The following TYRP1 variants were observed in gnomAD, a reference collection of about 807,000 sequenced individuals.
TYRP1 encodes tyrosinase related protein 1, also known as 5,6-dihydroxyindole-2-carboxylic acid oxidase.
In TYRP1, 49 loss-of-function variants were observed where a neutral mutation model predicts 42.8. That is an observed-to-expected ratio of 1.14 (90% CI 0.91 to 1.45). The LOEUF is 1.45. Among genes scored for constraint, TYRP1 ranks in the 40% most tolerant of loss-of-function variants. TYRP1 has a pLI of 0.00. For synonymous variants in TYRP1, 279 were observed against 235.4 expected (o/e 1.19, Z -1.69); for missense variants, 848 against 662.0 (o/e 1.28, Z -3.08).
intron 3 of TYRP1, among the ~76,000 whole-genome samples, chr9:12,697,344 C>T (rs1036554406): frequency 1.3e-5 from 2 of 152,242 alleles, no homozygotes; most frequent in African/African-American, 2.4e-5. Flanking sequence ...TGAATATGCT[C>T]TGGCTCCCAA....
At position 12,695,213 on chromosome 9, in the gene TYRP1, A is replaced by T. The variant is rs540018279; in HGVS notation, c.386-302A>T. ...AAAAAGACAGAAAATTCCAACAAAA[A>T]TGCCAACAGTGGGCAGAAATCAACA... is the stretch of plus-strand genomic sequence containing the variant. On this transcript the variant is annotated intron_variant, in intron 2 of 7. Transcript: ENST00000388918. 9.2e-5 allele frequency among the ~76,000 whole-genome samples: 14 copies of T among 152,306 alleles called. No homozygotes were observed. In the South Asian group the frequency reaches 1.0e-3, roughly 11 times the overall value.
chr9:12,704,257 A>ATT (rs1818222565), intron 5 of TYRP1, among the ~76,000 whole-genome samples: 1 of 151,922 alleles, frequency 6.6e-6, no homozygotes, highest in African/African-American at 2.4e-5. Flanking sequence ...GTGTCTATAT[A>ATT]TTTTGACTGG....
In TYRP1 at chr9:12,694,148, C is replaced by G; in HGVS notation, c.152C>G (p.Pro51Arg). 2 of 1,614,062 alleles carry G rather than the reference C, an allele frequency of 1.2e-6. No individual in the cohort carries two copies. Among genetic ancestry groups the G allele is most frequent in the Non-Finnish European group, 1.7e-6 (2 of 1,180,022 alleles). Residue 51 changes from proline to arginine, a missense_variant, in exon 2 of 8, where the codon CCT becomes CGT. Pro to Arg is a moderately radical substitution (Grantham distance 103). Coordinates refer to ENST00000388918, the MANE Select transcript of TYRP1 (RefSeq NM_000550.3). Reference protein sequence around the residue: ...CCPDLSPVSGPGTDRCGSSSG... With the variant: ...CCPDLSPVSGRGTDRCGSSSG... ...CCAGACCTGTCCCCTGTGTCTGGGC[C>G]TGGGACAGACCGCTGTGGCTCATCA...
intron 3 of TYRP1, 52 bp from the exon 4 acceptor site, chr9:12,698,399 T>C: frequency 1.3e-6 from 2 of 1,537,064 alleles, no homozygotes; most frequent in South Asian, 2.2e-5. Flanking sequence ...CAAACAGAAA[T>C]GAATAATTGT....
chr9:12,699,413 T>C (rs947435084), intron 4 of TYRP1, among the ~76,000 whole-genome samples: 4 of 152,068 alleles, frequency 2.6e-5, no homozygotes, highest in Admixed American at 2.6e-4. Context: ...CTTATTTTTC[T>C]TCTTCAGGCA....
chr9:12,701,321 C>A (rs1818164321), intron 4 of TYRP1, among the ~76,000 whole-genome samples: 1 of 151,942 alleles, frequency 6.6e-6, no homozygotes, highest in African/African-American at 2.4e-5. Context: ...CAGGCCCTCC[C>A]CCTTTTTTTG....
In TYRP1 at chr9:12,709,206, TTAG is replaced by T. The variant is rs1243809846; in HGVS notation, c.*27_*29del. On this transcript the variant is annotated 3_prime_UTR_variant, in exon 8 of 8. Transcript: ENST00000388918. ...AACAAATGCCCTACTCTCTTATGCA[TTAG>T]TATCACAAAACCACCTGGTTGAATA... The T allele has an allele frequency of 6.2e-7, 1 of 1,605,628 alleles. No individual in the cohort carries two copies. Among genetic ancestry groups the T allele is most frequent in the Non-Finnish European group, 8.5e-7 (1 of 1,173,110 alleles).
intron 5 of TYRP1, among the ~76,000 whole-genome samples, chr9:12,703,508 T>C (rs1818207498): frequency 6.6e-6 from 1 of 151,922 alleles, no homozygotes; most frequent in Non-Finnish European, 1.5e-5. Flanking sequence ...GTCTTCTTAA[T>C]GCCCAATCAG....
rs117431174 is a variant in TYRP1 at position 12,705,253 on chromosome 9, G to T, written c.1261+548G>T. ...GCATTCTTTAAAATACTATTTAAAAGGCCTCTTTCTCTGCCTTCCTATGCA... is the reference window on the plus strand; with the variant it reads ...GCATTCTTTAAAATACTATTTAAAATGCCTCTTTCTCTGCCTTCCTATGCA... On this transcript the variant is annotated intron_variant, in intron 6 of 7. Transcript: ENST00000388918. Among the ~76,000 whole-genome samples, 1,115 of 152,056 alleles carry T rather than the reference G, an allele frequency of 7.3e-3. 9 individuals are homozygous for T. The highest frequency in any genetic ancestry group is 0.031 in the Middle Eastern group (9 of 292).
chr9:12,696,106 C>T (rs1818075807), intron 3 of TYRP1, among the ~76,000 whole-genome samples: 1 of 152,156 alleles, frequency 6.6e-6, no homozygotes. Context: ...AAATATTTTG[C>T]AGTTTCATTG....
chr9:12,707,892 AT>A, intron 6 of TYRP1, 104 bp from the exon 7 acceptor site: 2 of 1,140,912 alleles, frequency 1.8e-6, no homozygotes, highest in East Asian at 5.2e-5. Context: ...TAAGAATAAA[AT>A]TTTTTCAGGT....
In TYRP1 at chr9:12,708,056, GT is replaced by G; in HGVS notation, c.1322del (p.Val441GlyfsTer38). The G allele has an allele frequency of 6.2e-7, 1 of 1,612,534 alleles. No homozygotes were observed. The highest frequency in any genetic ancestry group is 8.5e-7 in the Non-Finnish European group (1 of 1,179,208). On this transcript the variant is annotated frameshift_variant, in exon 7 of 8. Transcript: ENST00000388918. LOFTEE classifies it high-confidence loss of function. Reference sequence around the variant, plus strand: ...TGGACATAATAGACAATACAACATGGTGCCATTCTGGCCCCCAGTCACCAAC... The same window carrying G: ...TGGACATAATAGACAATACAACATGGGCCATTCTGGCCCCCAGTCACCAAC... ...PIGHNRQYNM[V>X]PFWPPVTNTE... is the part of the protein sequence containing the mutation.
Position 12,705,675 on chromosome 9 carries a change from C to T in TYRP1, c.1261+970C>T, listed in dbSNP as rs919735829. On this transcript the variant is annotated intron_variant, in intron 6 of 7. Transcript: ENST00000388918. The stretch of plus-strand genomic sequence containing the variant: ...CAGCCTGGTCAACATGGTGAAACCC[C>T]GTCTCTACTAAAAATACAAAAATTA... Among the ~76,000 whole-genome samples the T allele has an allele frequency of 3.2e-4, 49 of 151,894 alleles. 2 individuals carry two copies. Among genetic ancestry groups the T allele is most frequent in the African/African-American group, 1.2e-4 (5 of 41,358 alleles).
rs939397722 is a variant in TYRP1, at chr9:12,709,023, C to A, written c.1455C>A (p.Gly485=). 1.9e-6 allele frequency: 3 copies of A among 1,612,482 alleles called. No homozygotes were observed. The African/African-American group carries it at 4.0e-5, about 22-fold the overall frequency. ...VPEIIAIAVV[G]ALLLVALIFG... ...AGATAATTGCCATAGCAGTAGTTGG[C>A]GCTTTGTTACTGGTTGCACTCATTT... The change falls in exon 8 of 8, where the codon GGC becomes GGA. Residue 485 remains glycine (G), a synonymous_variant. Coordinates refer to ENST00000388918, the MANE Select transcript of TYRP1 (RefSeq NM_000550.3).
Position 12,695,570 on chromosome 9 carries a change from C to T in TYRP1, c.441C>T (p.Ala147=), listed in dbSNP as rs1463789182. 7 of 1,614,068 alleles carry T rather than the reference C, an allele frequency of 4.3e-6. No homozygotes were observed. Among genetic ancestry groups the T allele is most frequent in the South Asian group, 1.1e-5 (1 of 91,076 alleles). ...AAGAAAAGAACCACTTTGTCCGGGC[C>T]CTGGATATGGCAAAGCGCACAACTC... The part of the protein sequence containing the change: ...SKEEKNHFVR[A]LDMAKRTTHP... Residue 147 remains alanine (A), a synonymous_variant, in exon 3 of 8, where the codon GCC becomes GCT. Coordinates refer to ENST00000388918, the MANE Select transcript of TYRP1 (RefSeq NM_000550.3).
At chr9:12,708,543 A>G (rs1406267921) in intron 7 of TYRP1, among the ~76,000 whole-genome samples, 1 of 151,972 alleles carries the variant, frequency 6.6e-6, no homozygotes, top group Non-Finnish European at 1.5e-5. Flanking sequence ...GCATTTATCT[A>G]TCTTAAAGGA....
intron 3 of TYRP1, among the ~76,000 whole-genome samples, chr9:12,697,616 A>T (rs942189803): frequency 1.3e-5 from 2 of 152,162 alleles, no homozygotes; most frequent in African/African-American, 4.8e-5. Flanking sequence ...CTACATTTAA[A>T]TCCCATACCA....
Position 12,708,969 on chromosome 9 carries a change from C to T in TYRP1, c.1409-8C>T. On this transcript the variant is annotated splice_region_variant and splice_polypyrimidine_tract_variant and intron_variant, in intron 7 of 7. Transcript: ENST00000388918. ...TGTCTTTTTATTTTTATCTTCCTTT[C>T]CAAATAGGTCGGGAGTTTAGTGTAC... 6.2e-7 allele frequency: 1 copy of T among 1,610,444 alleles called. No homozygotes were observed. The highest frequency in any genetic ancestry group is 8.5e-7 in the Non-Finnish European group (1 of 1,177,554).
intron 4 of TYRP1, chr9:12,700,047 C>G (rs1240918432): frequency 6.6e-6 from 1 of 151,894 alleles, no homozygotes; most frequent in Non-Finnish European, 1.5e-5. Flanking sequence ...TAAGATTATC[C>G]CTTGTCTCAC....
Sources: gnomAD v4.1 joint callset for allele counts (sites outside exome capture counted in the v4.1 genomes callset) on GRCh38, gnomAD v4.1.1 for gene constraint, MANE v1.5 for transcripts, NCBI Gene and HGNC (gene_info 2026-07-23, HGNC 2026-07-21) for gene names.